The following C5orf63 variants were observed in gnomAD, a reference collection of about 807,000 sequenced individuals.
C5orf63 encodes the protein glutaredoxin-like protein C5orf63.
Under a neutral mutation model 13.3 loss-of-function variants are expected in C5orf63, and 18 were observed. The observed-to-expected ratio is 1.36, with a 90% confidence interval of 0.94 to 2.01. C5orf63 has a LOEUF of 2.01. Among genes scored for constraint, C5orf63 ranks in the 30% most tolerant of loss-of-function variants. C5orf63 has a pLI of 0.00. For missense variants in C5orf63, 118 were observed against 127.7 expected (o/e 0.92, Z 0.36); for synonymous variants, 38 against 44.7 (o/e 0.85, Z 0.60).
rs1448236847 is a variant in C5orf63 at position 127,071,655 on chromosome 5, GC to G, written c.-80del. On this transcript the variant is annotated 5_prime_UTR_variant, in exon 2 of 5. Coordinates refer to ENST00000296662, the MANE Select transcript of C5orf63 (RefSeq NM_001164478.2). ...AAAACTGTATTCAGGAAGTATTCCAGCTGGCTTTTGGCTTCCTCTGATGTAC... is the reference window on the plus strand; with the variant it reads ...AAAACTGTATTCAGGAAGTATTCCAGTGGCTTTTGGCTTCCTCTGATGTAC... 1.3e-5 allele frequency: 2 copies of G among 152,306 alleles called. No homozygotes were observed. Among genetic ancestry groups the G allele is most frequent in the East Asian group, 3.9e-4 (2 of 5,184 alleles). 9.4% of individuals were successfully genotyped at this position (152,306 alleles called of 1,614,324 possible). A position where few individuals can be genotyped will look rare whatever the true frequency, so the allele number is the denominator to read the frequency against.
downstream of C5orf63, among the ~76,000 whole-genome samples, chr5:127,049,046 A>G (rs1367809630): frequency 6.6e-6 from 1 of 152,118 alleles, no homozygotes; most frequent in African/African-American, 2.4e-5. Context: ...GGTTGTATTG[A>G]GAGTGGGATT....
chr5:127,050,188 C>T (rs370874571), downstream of C5orf63, among the ~76,000 whole-genome samples: 1 of 152,320 alleles, frequency 6.6e-6, no homozygotes, highest in East Asian at 1.9e-4. Flanking sequence ...TTTCCACCCA[C>T]ACTCAAAGGG....
rs1753691146 is a variant in C5orf63 at position 127,051,936 on chromosome 5, C to T, written c.183G>A (p.Gln61=). The change falls in exon 5 of 5, where the codon CAG becomes CAA. Residue 61 remains glutamine (Q), a synonymous_variant. Transcript: ENST00000296662. ...TTTCTGGAAGTGTGATGTTCACCTCCTGTAAAATGAACTGAAACAGAGACA... is the reference window on the plus strand; with the variant it reads ...TTTCTGGAAGTGTGATGTTCACCTCTTGTAAAATGAACTGAAACAGAGACA... ...LKPYENRFIL[Q]EVNITLPENS... The T allele has an allele frequency of 4.6e-6, 7 of 1,505,906 alleles. No homozygotes were observed. The highest frequency in any genetic ancestry group is 4.4e-6 in the Non-Finnish European group (5 of 1,132,470). 93.3% of individuals were successfully genotyped at this position (1,505,906 alleles called of 1,614,324 possible). A position where few individuals can be genotyped will look rare whatever the true frequency, so the allele number is the denominator to read the frequency against.
downstream of C5orf63, chr5:127,042,591 A>G (rs1753429467): frequency 6.6e-6 from 1 of 152,178 alleles, no homozygotes; most frequent in African/African-American, 2.4e-5. Flanking sequence ...ATTTATTTCC[A>G]AATTTTGAAG....
At chr5:127,051,233 T>C (rs1753661472), downstream of C5orf63, 15 of 1,016,776 alleles carry the variant, frequency 1.5e-5, no homozygotes, top group Non-Finnish European at 1.9e-5. Context: ...AATTCTCTTC[T>C]ACTCAACAAA....
chr5:127,048,769 A>T (rs1753584949), downstream of C5orf63, among the ~76,000 whole-genome samples: 1 of 152,208 alleles, frequency 6.6e-6, no homozygotes, highest in Non-Finnish European at 1.5e-5. Flanking sequence ...CCACATGGTT[A>T]TACTCAGGTA....
rs549180728 is a variant in C5orf63, at chr5:127,051,683, C to T, written c.*88G>A. The T allele has an allele frequency of 2.3e-4, 327 of 1,403,446 alleles. 1 individual carries two copies. The highest frequency in any genetic ancestry group is 1.6e-3 in the Middle Eastern group (6 of 3,804). 86.9% of individuals were successfully genotyped at this position (1,403,446 alleles called of 1,614,324 possible). On this transcript the variant is annotated 3_prime_UTR_variant, in exon 5 of 5. Coordinates refer to ENST00000296662, the MANE Select transcript of C5orf63 (RefSeq NM_001164478.2). The stretch of plus-strand genomic sequence containing the variant: ...TTCAGAACATCCTTAGGGCTCTGTA[C>T]AAGTGACAAAATGAGTATCAGGCCA...
At chr5:127,065,890 G>C (rs1014066631) in intron 2 of C5orf63, among the ~76,000 whole-genome samples, 1 of 152,156 alleles carries the variant, frequency 6.6e-6, no homozygotes, top group Non-Finnish European at 1.5e-5. Context: ...GGGGTATGGT[G>C]ATGAACAAGA....
intron 1 of C5orf63, among the ~76,000 whole-genome samples, chr5:127,072,536 T>C (rs1332160229): frequency 6.6e-6 from 1 of 152,176 alleles, no homozygotes; most frequent in Non-Finnish European, 1.5e-5. Context: ...ATACTAATTC[T>C]GGGAAATGCG....
chr5:127,068,138 C>T (rs1326015465), intron 2 of C5orf63, among the ~76,000 whole-genome samples: 2 of 152,140 alleles, frequency 1.3e-5, no homozygotes, highest in Admixed American at 6.5e-5. Context: ...TTGTCCCATT[C>T]TCTCATTTTA....
rs114523780 is a variant in C5orf63 at position 127,066,468 on chromosome 5, G to A, written c.-8+5116C>T. Among the ~76,000 whole-genome samples the A allele has an allele frequency of 2.4e-3, 370 of 152,190 alleles. 2 individuals are homozygous for A. Among genetic ancestry groups the A allele is most frequent in the African/African-American group, 8.4e-3 (350 of 41,546 alleles). Reference sequence around the variant, plus strand: ...AACAGAGCCAACAGGACTTGCCAATGAATTGGACATGAGGAATTAAAGAAA... The same window carrying A: ...AACAGAGCCAACAGGACTTGCCAATAAATTGGACATGAGGAATTAAAGAAA... On this transcript the variant is annotated intron_variant, in intron 2 of 4. Coordinates refer to ENST00000296662, the MANE Select transcript of C5orf63 (RefSeq NM_001164478.2).
chr5:127,064,031 G>A (rs1282762224), intron 2 of C5orf63, among the ~76,000 whole-genome samples: 1 of 152,156 alleles, frequency 6.6e-6, no homozygotes, highest in East Asian at 1.9e-4. Flanking sequence ...AGGGACAATT[G>A]ATGCCTCCCC....
intron 3 of C5orf63, 135 bp downstream of exon 3, chr5:127,058,747 T>C: frequency 1.6e-6 from 1 of 611,712 alleles, no homozygotes; most frequent in Non-Finnish European, 2.9e-6. Flanking sequence ...ACTGAGTTGC[T>C]GCTGTTGTGC....
At chr5:127,070,867 T>C (rs1485079887) in intron 2 of C5orf63, among the ~76,000 whole-genome samples, 2 of 152,182 alleles carry the variant, frequency 1.3e-5, no homozygotes, top group Non-Finnish European at 2.9e-5. Flanking sequence ...CCAGATCTCC[T>C]TGGAAGGCAG....
chr5:127,063,298 G>A (rs370171313), intron 2 of C5orf63, among the ~76,000 whole-genome samples: 1 of 152,182 alleles, frequency 6.6e-6, no homozygotes, highest in Non-Finnish European at 1.5e-5. Context: ...CCCTGCAAGG[G>A]ACTAAAGGGC....
chr5:127,067,683 T>C (rs1248280107), intron 2 of C5orf63, among the ~76,000 whole-genome samples: 1 of 152,188 alleles, frequency 6.6e-6, no homozygotes, highest in East Asian at 1.9e-4. Flanking sequence ...CCCTTCCAAT[T>C]GGTTTTTCCC....
chr5:127,052,742 C>CA (rs1753726357), intron 3 of C5orf63, 73 bp from the exon 4 acceptor site: 6 of 1,183,122 alleles, frequency 5.1e-6, no homozygotes, highest in East Asian at 5.6e-5. Flanking sequence ...CAAAACAAAA[C>CA]AAAAAACCCA....
downstream of C5orf63, among the ~76,000 whole-genome samples, chr5:127,049,715 G>A (rs1174368619): frequency 6.6e-6 from 1 of 152,204 alleles, no homozygotes; most frequent in African/African-American, 2.4e-5. Context: ...ACATTTAGCA[G>A]TTTAAAACAA....
chr5:127,049,794 T>TA (rs1753614127), downstream of C5orf63, among the ~76,000 whole-genome samples: 1 of 152,216 alleles, frequency 6.6e-6, no homozygotes, highest in Non-Finnish European at 1.5e-5. Context: ...ATTCTTGGAT[T>TA]AGAGTCTCAC....
Sources: gnomAD v4.1 joint callset for allele counts (sites outside exome capture counted in the v4.1 genomes callset) on GRCh38, gnomAD v4.1.1 for gene constraint, MANE v1.5 for transcripts, NCBI Gene and HGNC (gene_info 2026-07-23, HGNC 2026-07-21) for gene names.